Variants in CENPP observed in about 807,000 individuals in gnomAD.
CENPP encodes the protein centromere protein P.
Under a neutral mutation model 35.6 loss-of-function variants are expected in CENPP, and 24 were observed. The observed-to-expected ratio is 0.67, with a 90% CI of 0.49 to 0.95. CENPP has a LOEUF of 0.95. Ranked by LOEUF, CENPP falls within the 40% of genes least tolerant of loss-of-function variation. The probability of loss-of-function intolerance (pLI) is 0.00; values close to 1 mark genes in which losing one functional copy is unlikely to be tolerated. For missense variants in CENPP, 332 were observed against 345.3 expected, an observed-to-expected ratio of 0.96 and a Z score of 0.31; for synonymous variants, 120 against 125.5, an observed-to-expected ratio of 0.96 and a Z score of 0.29.
chr9:92,380,007 A>G (rs906105751), intron 5 of CENPP, 148 bp downstream of exon 5: 1 of 592,242 alleles, frequency 1.7e-6, no homozygotes, highest in Non-Finnish European at 3.0e-6. Context: ...TATTTGGAAT[A>G]ACTGGAGGAG....
chr9:92,366,915 C>T (rs1356257605), intron 4 of CENPP, among the ~76,000 whole-genome samples: 3 of 152,096 alleles, frequency 2.0e-5, no homozygotes, highest in Middle Eastern at 3.2e-3. Flanking sequence ...TTTTGATTGC[C>T]GACATGATTC....
At chr9:92,605,988 G>A (rs373922142) in intron 5 of CENPP, among the ~76,000 whole-genome samples, 24 of 152,276 alleles carry the variant, frequency 1.6e-4, no homozygotes, top group East Asian at 9.6e-4. Flanking sequence ...GGGGCCAGGC[G>A]TAGTGGCTCA....
At chr9:92,578,656 T>G (rs1850344481) in intron 5 of CENPP, among the ~76,000 whole-genome samples, 1 of 152,176 alleles carries the variant, frequency 6.6e-6, no homozygotes, top group Non-Finnish European at 1.5e-5. Flanking sequence ...TGTTTGTTTT[T>G]TTCTTGTAAA....
chr9:92,326,871 C>T (rs1485720296), intron 1 of CENPP, among the ~76,000 whole-genome samples: 1 of 152,126 alleles, frequency 6.6e-6, no homozygotes, highest in African/African-American at 2.4e-5. Context: ...GACATAGGTG[C>T]AGAAAGAATG....
chr9:92,590,464 G>T (rs186755268), intron 5 of CENPP, among the ~76,000 whole-genome samples: 1 of 152,166 alleles, frequency 6.6e-6, no homozygotes, highest in African/African-American at 2.4e-5. Flanking sequence ...TAGGAAATTG[G>T]AATCTGTCCT....
chr9:92,378,651 G>T (rs543879517), intron 4 of CENPP, among the ~76,000 whole-genome samples: 162 of 152,236 alleles, frequency 1.1e-3, no homozygotes, highest in Non-Finnish European at 9.9e-4. Context: ...CTCAACTCCC[G>T]CAATCATTTA....
In CENPP at chr9:92,614,731, A is replaced by ATAAG. The variant is rs954637544; in HGVS notation, c.*1584_*1587dup. 2.8e-4 allele frequency: 43 copies of ATAAG among 152,774 alleles called. No individual in the cohort carries two copies. Among genetic ancestry groups the ATAAG allele is most frequent in the African/African-American group, 9.4e-4 (39 of 41,572 alleles). The allele number at this position is 152,774 out of a possible 1,614,324, so 9.5% of individuals were successfully genotyped here. A position where few individuals can be genotyped will look rare whatever the true frequency, so the allele number is the denominator to read the frequency against. ...TTAGTCCCTCAAAACGATGATATAA[A>ATAAG]TAAGTCTGTACAACCTAGCATAGAA... On this transcript the variant is annotated 3_prime_UTR_variant, in exon 8 of 8. Coordinates refer to ENST00000375587, the MANE Select transcript of CENPP (RefSeq NM_001012267.3).
rs550016368 is a variant in CENPP, at chr9:92,404,448, G to A, written c.564+24589G>A. 3.4e-5 allele frequency: 39 copies of A among 1,154,568 alleles called. No homozygotes were observed. In the African/African-American group the frequency reaches 4.5e-4, roughly 13 times the overall value. The allele number at this position is 1,154,568 out of a possible 1,614,324, so 71.5% of individuals were successfully genotyped here. A position where few individuals can be genotyped will look rare whatever the true frequency, so the allele number is the denominator to read the frequency against. ...ATTAAGACTATTAGATGAGTCAGTCGCACTTTAACAAACAATATTTAAAAT... is the reference window on the plus strand; with the variant it reads ...ATTAAGACTATTAGATGAGTCAGTCACACTTTAACAAACAATATTTAAAAT... On this transcript the variant is annotated intron_variant, in intron 5 of 7. Transcript: ENST00000375587.
At chr9:92,375,512 G>A (rs1842105327) in intron 4 of CENPP, among the ~76,000 whole-genome samples, 1 of 151,492 alleles carries the variant, frequency 6.6e-6, no homozygotes, top group Admixed American at 6.6e-5. Context: ...TAGCTAGGCT[G>A]GTCTCAAACT....
chr9:92,408,587 C>A (rs913488348), intron 5 of CENPP, among the ~76,000 whole-genome samples: 1 of 152,114 alleles, frequency 6.6e-6, no homozygotes, highest in Non-Finnish European at 1.5e-5. Context: ...TCGATTGAAT[C>A]GGGTTACTAC....
chr9:92,443,273 A>G (rs552369428), intron 5 of CENPP, among the ~76,000 whole-genome samples: 2 of 152,212 alleles, frequency 1.3e-5, no homozygotes, highest in African/African-American at 4.8e-5. Flanking sequence ...TAATTTCAAT[A>G]TAAAAATATC....
At chr9:92,384,653 T>C (rs1275922347) in intron 5 of CENPP, 2 of 152,168 alleles carry the variant, frequency 1.3e-5, no homozygotes, top group East Asian at 3.8e-4. Flanking sequence ...TTATTGTGAA[T>C]ATTCAGTTTG....
intron 5 of CENPP, among the ~76,000 whole-genome samples, chr9:92,396,769 A>C (rs189311081): frequency 6.6e-6 from 1 of 151,966 alleles, no homozygotes; most frequent in South Asian, 2.1e-4. Context: ...TGGTGTCACT[A>C]TGTTGCCCAA....
chr9:92,501,542 TGAGGC>T (rs1846677711), intron 5 of CENPP, among the ~76,000 whole-genome samples: 1 of 152,184 alleles, frequency 6.6e-6, no homozygotes, highest in Non-Finnish European at 1.5e-5. Context: ...ACCTGGGACT[TGAGGC>T]GAGCCTGAGG....
chr9:92,409,371 A>C (rs1843386377), intron 5 of CENPP, among the ~76,000 whole-genome samples: 1 of 152,200 alleles, frequency 6.6e-6, no homozygotes, highest in Non-Finnish European at 1.5e-5. Flanking sequence ...GGGACATATG[A>C]ATTCTTAAAA....
intron 1 of CENPP, among the ~76,000 whole-genome samples, chr9:92,330,145 G>A (rs534518483): frequency 6.2e-4 from 95 of 152,266 alleles, no homozygotes; most frequent in South Asian, 3.9e-3. Context: ...GGAGCAGAAC[G>A]GATGGCAGTA....
intron 5 of CENPP, chr9:92,502,680 T>TTTCTTTTGTGCCTAGA: frequency 1.3e-6 from 2 of 1,508,738 alleles, no homozygotes; most frequent in South Asian, 2.4e-5. Flanking sequence ...GACTATTATT[T>TTTCTTTTGTGCCTAGA]TTCTTTTGTG....
chr9:92,545,538 C>T (rs1201036345), intron 5 of CENPP, among the ~76,000 whole-genome samples: 1 of 151,702 alleles, frequency 6.6e-6, no homozygotes, highest in Non-Finnish European at 1.5e-5. Context: ...CCCGCCCCGC[C>T]GGGCCCCTTC....
At chr9:92,574,249 C>G (rs1850225051) in intron 5 of CENPP, among the ~76,000 whole-genome samples, 1 of 152,062 alleles carries the variant, frequency 6.6e-6, no homozygotes, top group South Asian at 2.1e-4. Context: ...AATGATGTAA[C>G]TATAGGCTGT....
Sources: gnomAD v4.1 joint callset for allele counts (sites outside exome capture counted in the v4.1 genomes callset) on GRCh38, gnomAD v4.1.1 for gene constraint, MANE v1.5 for transcripts, NCBI Gene and HGNC (gene_info 2026-07-23, HGNC 2026-07-21) for gene names.